The following SIX4 variants were observed in gnomAD, a reference collection of about 807,000 sequenced individuals.
SIX4 encodes SIX homeobox 4, also known as homeobox protein SIX4.
A neutral mutation model predicts 51.5 loss-of-function variants in SIX4; 23 were observed. The ratio of observed to expected loss-of-function variants is 0.45; its 90% CI spans 0.32 to 0.63. The LOEUF (loss-of-function observed/expected upper bound fraction) is 0.63, where lower values mean the gene tolerates loss of function less well. Ranked by LOEUF, SIX4 falls within the 30% of genes least tolerant of loss-of-function variation. The pLI is 0.04. For missense variants in SIX4, 867 were observed against 984.0 expected, an observed-to-expected ratio of 0.88 and a Z score of 1.59; for synonymous variants, 413 against 417.3, an observed-to-expected ratio of 0.99 and a Z score of 0.13.
At position 60,713,790 on chromosome 14, in the gene SIX4, A is replaced by T. The variant is rs142166461; in HGVS notation, c.1963T>A (p.Ser655Thr). The change falls in exon 3 of 3, where the codon TCT (serine) becomes ACT (threonine). Residue 655 changes from serine to threonine, a missense_variant. Physicochemically the swap from Ser to Thr is moderately conservative, Grantham distance 58 (BLOSUM62 1). Transcript: ENST00000216513. ...GTTGCATAGTTAGTGTTGCTGACAG[A>T]TGTCACAGTAGATTTGCTTGCCACC... ...APVASKSTVT[S>T]VSNTNYATLQ... 1.3e-4 allele frequency: 207 copies of T among 1,614,192 alleles called. No individual in the cohort carries two copies. In the African/African-American group the frequency reaches 2.5e-3, roughly 19 times the overall value.
Position 60,723,918 on chromosome 14 carries a change from G to C in SIX4, c.157C>G (p.Leu53Val). Residue 53 changes from leucine to valine, a missense_variant, in exon 1 of 3, where the codon CTG (leucine) becomes GTG (valine). Transcript: ENST00000216513. ...GCGGTCGCGGCGTCCCCCGGCTCCAGGGGAAAAGGGGCTGGAGCCGGGGGG... is the reference window on the plus strand; with the variant it reads ...GCGGTCGCGGCGTCCCCCGGCTCCACGGGAAAAGGGGCTGGAGCCGGGGGG... ...LSPPAPAPFP[L>V]EPGDAATAAA... is the part of the protein sequence containing the mutation. 1 of 1,514,966 alleles carries C rather than the reference G, an allele frequency of 6.6e-7. No homozygotes were observed. The highest frequency in any genetic ancestry group is 8.7e-7 in the Non-Finnish European group (1 of 1,144,598). The allele number at this position is 1,514,966 out of a possible 1,614,324, so 93.8% of individuals were successfully genotyped here. A position where few individuals can be genotyped will look rare whatever the true frequency, so the allele number is the denominator to read the frequency against.
At chr14:60,721,042 T>C in intron 1 of SIX4, 5 of 985,770 alleles carry the variant, frequency 5.1e-6, no homozygotes, top group Non-Finnish European at 6.0e-6. Context: ...TGGCTGTCCT[T>C]GTTGTAGGAA....
In SIX4 at chr14:60,719,655, G is replaced by T; in HGVS notation, c.1549+105C>A. ...CTCTACAGCTTCGGCAGCTAATAAG[G>T]TACCTGAACAGAAACATCAATCTAT... On this transcript the variant is annotated intron_variant, in intron 2 of 2. Transcript: ENST00000216513. The surrounding 1 kb of genome is among the most constrained non-coding windows in gnomAD (Gnocchi z 4.9). 1 of 1,150,400 alleles carries T rather than the reference G, an allele frequency of 8.7e-7. No individual in the cohort carries two copies. 71.3% of individuals were successfully genotyped at this position (1,150,400 alleles called of 1,614,324 possible). A position where few individuals can be genotyped will look rare whatever the true frequency, so the allele number is the denominator to read the frequency against.
chr14:60,723,158 C>A (rs753938548), intron 1 of SIX4, 54 bp downstream of exon 1: 23 of 1,475,402 alleles, frequency 1.6e-5, no homozygotes, highest in African/African-American at 4.5e-5. Flanking sequence ...GAAAAGAAAG[C>A]CGGGAAGGGG....
intron 1 of SIX4, chr14:60,721,207 A>C (rs970242130): frequency 2.1e-6 from 2 of 960,932 alleles, no homozygotes; most frequent in Non-Finnish European, 2.5e-6. Context: ...CCTCTTCCCC[A>C]ACGTCCTTGG....
At chr14:60,718,160 CTGTT>C (rs1208114546) in intron 2 of SIX4, among the ~76,000 whole-genome samples, 4 of 152,102 alleles carry the variant, frequency 2.6e-5, no homozygotes, top group Non-Finnish European at 5.9e-5. Flanking sequence ...GGCTCAGTAT[CTGTT>C]TGTGAGAAAA....
chr14:60,721,207 A>G lies in SIX4; in HGVS notation c.864-762T>C, dbSNP rs970242130. On this transcript the variant is annotated intron_variant, in intron 1 of 2. Coordinates refer to ENST00000216513, the MANE Select transcript of SIX4 (RefSeq NM_017420.5). Reference sequence around the variant, plus strand: ...CTTCTAACTATTAGACCTCTTCCCCAACGTCCTTGGTCCCTCTGTTCCAGG... The same window carrying G: ...CTTCTAACTATTAGACCTCTTCCCCGACGTCCTTGGTCCCTCTGTTCCAGG... 7.3e-6 allele frequency: 7 copies of G among 960,932 alleles called. No homozygotes were observed. The African/African-American group carries it at 1.2e-4, about 17-fold the overall frequency. The allele number at this position is 960,932 out of a possible 1,614,324, so 59.5% of individuals were successfully genotyped here.
chr14:60,713,263 A>C lies in SIX4; in HGVS notation c.*144T>G, dbSNP rs1895854371. 1 of 766,360 alleles carries C rather than the reference A, an allele frequency of 1.3e-6. No individual in the cohort carries two copies. The highest frequency in any genetic ancestry group is 2.0e-6 in the Non-Finnish European group (1 of 489,064). 47.5% of individuals were successfully genotyped at this position (766,360 alleles called of 1,614,324 possible). A position where few individuals can be genotyped will look rare whatever the true frequency, so the allele number is the denominator to read the frequency against. On this transcript the variant is annotated 3_prime_UTR_variant, in exon 3 of 3. Coordinates refer to ENST00000216513, the MANE Select transcript of SIX4 (RefSeq NM_017420.5). ...TCCTGTATACTTAACTGTGATCTTC[A>C]TGCAGATCAATCTAAAGTCTCTTGT...
chr14:60,723,478 G>T lies in SIX4; in HGVS notation c.597C>A (p.Gly199=). ...ARYTEAERAR[G]RPLGAVDKYR... ...ACTTGTCTACGGCTCCCAGCGGCCG[G>T]CCGCGGGCTCGCTCGGCCTCGGTGT... The change falls in exon 1 of 3, where the codon GGC becomes GGA. Residue 199 remains glycine (G), a synonymous_variant. Coordinates refer to ENST00000216513, the MANE Select transcript of SIX4 (RefSeq NM_017420.5). The T allele has an allele frequency of 6.2e-7, 1 of 1,607,024 alleles. No individual in the cohort carries two copies.
In SIX4 at chr14:60,711,523, T is replaced by C. The variant is rs1329910768; in HGVS notation, c.*1884A>G. 2 of 151,820 alleles carry C rather than the reference T, an allele frequency of 1.3e-5. No homozygotes were observed. The highest frequency in any genetic ancestry group is 1.9e-4 in the East Asian group (1 of 5,168). 9.4% of individuals were successfully genotyped at this position (151,820 alleles called of 1,614,324 possible). The stretch of plus-strand genomic sequence containing the variant: ...AGATGTGGCCAGGCACAGTGGCTCA[T>C]GCCTATAATCCCAGCACTTTGGGAG... On this transcript the variant is annotated 3_prime_UTR_variant, in exon 3 of 3. Coordinates refer to ENST00000216513, the MANE Select transcript of SIX4 (RefSeq NM_017420.5).
At chr14:60,714,522 C>A (rs190937487) in intron 2 of SIX4, among the ~76,000 whole-genome samples, 1 of 152,080 alleles carries the variant, frequency 6.6e-6, no homozygotes, top group African/African-American at 2.4e-5. Context: ...AAACTACTTG[C>A]GTTCCTGAGT....
rs1254380894 is a variant in SIX4 at position 60,720,496 on chromosome 14, C to T, written c.864-51G>A. 4 of 1,529,644 alleles carry T rather than the reference C, an allele frequency of 2.6e-6. No homozygotes were observed. Among genetic ancestry groups the T allele is most frequent in the Admixed American group, 3.9e-5 (2 of 51,090 alleles). 94.8% of individuals were successfully genotyped at this position (1,529,644 alleles called of 1,614,324 possible). A position where few individuals can be genotyped will look rare whatever the true frequency, so the allele number is the denominator to read the frequency against. Reference sequence around the variant, plus strand: ...TTCAGAAGGTCAGGGGGATGACATTCTACACAGTGCCACTTGTTTGGAAAA... The same window carrying T: ...TTCAGAAGGTCAGGGGGATGACATTTTACACAGTGCCACTTGTTTGGAAAA... On this transcript the variant is annotated intron_variant, in intron 1 of 2. Transcript: ENST00000216513. This position sits in a 1 kb window ranked among gnomAD's most constrained non-coding sequence, Gnocchi z 5.5.
In SIX4 at chr14:60,719,761, T is replaced by C. The variant is rs1895986474; in HGVS notation, c.1548A>G (p.Gln516=). 6.2e-7 allele frequency: 1 copy of C among 1,613,346 alleles called. No individual in the cohort carries two copies. The highest frequency in any genetic ancestry group is 8.5e-7 in the Non-Finnish European group (1 of 1,179,604). Reference sequence around the variant, plus strand: ...TAAGGTACCAAATGAGATTGTTACCTTGTGAAGCTGCCACTGACACAGGGG... The same window carrying C: ...TAAGGTACCAAATGAGATTGTTACCCTGTGAAGCTGCCACTGACACAGGGG... The part of the protein sequence containing the change: ...QLPPVSVAAS[Q]GNISVSSSTS... The change falls in exon 2 of 3, where the codon CAA becomes CAG. Residue 516 remains glutamine, a splice_region_variant and synonymous_variant. Transcript: ENST00000216513. This position sits in a 1 kb window ranked among gnomAD's most constrained non-coding sequence, Gnocchi z 4.9.
In SIX4 at chr14:60,719,695, GC is replaced by G; in HGVS notation, c.1549+64del. 1 of 1,501,826 alleles carries G rather than the reference GC, an allele frequency of 6.7e-7. No individual in the cohort carries two copies. The highest frequency in any genetic ancestry group is 9.1e-7 in the Non-Finnish European group (1 of 1,099,882). The allele number at this position is 1,501,826 out of a possible 1,614,324, so 93.0% of individuals were successfully genotyped here. On this transcript the variant is annotated intron_variant, in intron 2 of 2. Coordinates refer to ENST00000216513, the MANE Select transcript of SIX4 (RefSeq NM_017420.5). This position sits in a 1 kb window ranked among gnomAD's most constrained non-coding sequence, Gnocchi z 4.9. ...CATCAATCTATAGCTATCACCAAAT[GC>G]GTCACTTACAGCAGCTGATGAACAC...
chr14:60,723,464 G>A lies in SIX4; in HGVS notation c.611C>T (p.Ala204Val). The change falls in exon 1 of 3, where the codon GCC (alanine) becomes GTC (valine). Residue 204 changes from alanine (A) to valine (V), a missense_variant. Transcript: ENST00000216513. ...CCTGCGCAGCCGGTACTTGTCTACG[G>A]CTCCCAGCGGCCGGCCGCGGGCTCG... ...AERARGRPLG[A>V]VDKYRLRRKF... The A allele has an allele frequency of 6.2e-7, 1 of 1,607,734 alleles. No homozygotes were observed. Among genetic ancestry groups the A allele is most frequent in the Non-Finnish European group, 8.5e-7 (1 of 1,179,636 alleles).
At chr14:60,715,898 A>T (rs2140267916) in intron 2 of SIX4, among the ~76,000 whole-genome samples, 1 of 150,316 alleles carries the variant, frequency 6.7e-6, no homozygotes, top group African/African-American at 2.4e-5. Context: ...TTTTTGAGAC[A>T]GTCTTGCTCT....
chr14:60,713,631 C>T lies in SIX4; in HGVS notation c.2122G>A (p.Val708Ile). 6.2e-7 allele frequency: 1 copy of T among 1,614,198 alleles called. No homozygotes were observed. Among genetic ancestry groups the T allele is most frequent in the Non-Finnish European group, 8.5e-7 (1 of 1,180,038 alleles). ...TGCAGAACCAAACGATGTTCTTGGA[C>T]AAAATCCTGATGTACTGCTGGGGAG... The part of the protein sequence containing the change: ...HPSPAVHQDF[V>I]QEHRLVLQSV... The change falls in exon 3 of 3, where the codon GTC (valine) becomes ATC (isoleucine). Residue 708 changes from valine to isoleucine, a missense_variant. Transcript: ENST00000216513.
In SIX4 at chr14:60,720,296, T is replaced by G. The variant is rs1895998462; in HGVS notation, c.1013A>C (p.Asn338Thr). Residue 338 changes from asparagine to threonine, a missense_variant, in exon 2 of 3, where the codon AAT (asparagine) becomes ACT (threonine). Transcript: ENST00000216513. This position sits in a 1 kb window ranked among gnomAD's most constrained non-coding sequence, Gnocchi z 5.5. ...MEPVYMQQIGNAKISLSSSGV... is the reference protein window; with the variant it reads ...MEPVYMQQIGTAKISLSSSGV... ...AGAAGAGCTTAATGATATCTTAGCATTTCCAATTTGTTGCATATATACTGG... is the reference window on the plus strand; with the variant it reads ...AGAAGAGCTTAATGATATCTTAGCAGTTCCAATTTGTTGCATATATACTGG... The G allele has an allele frequency of 1.2e-6, 2 of 1,614,118 alleles. No individual in the cohort carries two copies. Among genetic ancestry groups the G allele is most frequent in the Non-Finnish European group, 1.7e-6 (2 of 1,180,056 alleles).
At chr14:60,723,101 A>G (rs1369673313) in intron 1 of SIX4, 111 bp downstream of exon 1, 156 of 1,421,540 alleles carry the variant, frequency 1.1e-4, no homozygotes, top group Middle Eastern at 2.6e-4. Context: ...GGGCAGCCGG[A>G]CCAGGCTGGT....
Sources: gnomAD v4.1 joint callset for allele counts (sites outside exome capture counted in the v4.1 genomes callset) on GRCh38, gnomAD v4.1.1 for gene constraint, Gnocchi (gnomAD v3.1) non-coding constraint, MANE v1.5 for transcripts, NCBI Gene and HGNC (gene_info 2026-07-23, HGNC 2026-07-21) for gene names.